The following LGSN variants were observed in gnomAD, a reference collection of about 807,000 sequenced individuals.
LGSN encodes lengsin.
A neutral mutation model predicts 19.5 loss-of-function variants in LGSN; 21 were observed. That is an observed-to-expected ratio of 1.07 (90% CI 0.76 to 1.55). The LOEUF (loss-of-function observed/expected upper bound fraction) is 1.55. LGSN is among the 40% of genes most tolerant of loss of function. The pLI is 0.00. For synonymous variants in LGSN, 257 were observed against 215.6 expected (o/e 1.19, Z -1.68); for missense variants, 673 against 608.5 (o/e 1.11, Z -1.12).
At chr6:63,476,867 C>T in the LGSN span, among the ~76,000 whole-genome samples, 2 of 152,120 alleles carry the variant, frequency 1.3e-5, no homozygotes, top group African/African-American at 4.8e-5. Context: ...ATAAAATTTG[C>T]CATTGTTTTT....
the LGSN span, among the ~76,000 whole-genome samples, chr6:63,467,034 T>C: frequency 6.6e-6 from 1 of 152,086 alleles, no homozygotes; most frequent in Non-Finnish European, 1.5e-5. Context: ...GAGGAGTAAG[T>C]TGACATAGAA....
At chr6:63,525,876 A>G in the LGSN span, among the ~76,000 whole-genome samples, 1 of 152,150 alleles carries the variant, frequency 6.6e-6, no homozygotes, top group Non-Finnish European at 1.5e-5. Context: ...GACTGATACA[A>G]ATGTTAATAT....
At chr6:63,432,168 AGAAAAG>A in the LGSN span, among the ~76,000 whole-genome samples, 312 of 100,306 alleles carry the variant, frequency 3.1e-3, 2 homozygotes, top group East Asian at 5.2e-3. Flanking sequence ...AAAGAAAGAA[AGAAAAG>A]GAAAGAAAGA....
At chr6:63,339,964 T>A in the LGSN span, among the ~76,000 whole-genome samples, 1 of 152,178 alleles carries the variant, frequency 6.6e-6, no homozygotes, top group Non-Finnish European at 1.5e-5. Context: ...ATTAATTCCC[T>A]CAGTTTTTGC....
the LGSN span, among the ~76,000 whole-genome samples, chr6:63,327,003 C>T: frequency 5.9e-5 from 9 of 152,358 alleles, no homozygotes; most frequent in Middle Eastern, 3.4e-3. Context: ...ACTGCCAGCA[C>T]GCTGTCACCT....
chr6:63,434,524 C>T, the LGSN span, among the ~76,000 whole-genome samples: 1 of 138,292 alleles, frequency 7.2e-6, no homozygotes, highest in African/African-American at 2.7e-5. Context: ...TTTGTGAGGC[C>T]AAAGCTGTCA....
chr6:63,518,852 A>C, the LGSN span, among the ~76,000 whole-genome samples: 1 of 152,258 alleles, frequency 6.6e-6, no homozygotes, highest in African/African-American at 2.4e-5. Flanking sequence ...TTCAAAGAAA[A>C]GGTAACTCTT....
the LGSN span, among the ~76,000 whole-genome samples, chr6:63,480,980 T>TACAC: frequency 3.6e-4 from 12 of 33,226 alleles, 1 homozygote; most frequent in African/African-American, 7.8e-4. Flanking sequence ...TATATATATA[T>TACAC]ATATATACAC....
the LGSN span, among the ~76,000 whole-genome samples, chr6:63,423,473 CAAAA>C: frequency 1.6e-5 from 2 of 126,728 alleles, no homozygotes; most frequent in African/African-American, 2.9e-5. Context: ...CTGTCTCTAC[CAAAA>C]AAAAAAAAAA....
At chr6:63,533,173 C>T in the LGSN span, among the ~76,000 whole-genome samples, 4 of 152,088 alleles carry the variant, frequency 2.6e-5, no homozygotes, top group South Asian at 4.1e-4. Context: ...CTTGAGGTCA[C>T]GAGTTCAATA....
the LGSN span, among the ~76,000 whole-genome samples, chr6:63,516,574 G>A: frequency 6.6e-6 from 1 of 152,098 alleles, no homozygotes; most frequent in East Asian, 1.9e-4. Context: ...TGTAAGTTGG[G>A]CATGAGGGCA....
the LGSN span, among the ~76,000 whole-genome samples, chr6:63,431,700 A>T: frequency 6.6e-6 from 1 of 152,194 alleles, no homozygotes; most frequent in African/African-American, 2.4e-5. Context: ...GTAACATCTT[A>T]CATTCCTGAT....
chr6:63,356,877 A>G, the LGSN span, among the ~76,000 whole-genome samples: 46 of 152,146 alleles, frequency 3.0e-4, no homozygotes, highest in Non-Finnish European at 8.8e-5. Flanking sequence ...CATGTACACA[A>G]CGTGCAGGTT....
At chr6:63,407,656 C>T in the LGSN span, among the ~76,000 whole-genome samples, 1 of 152,164 alleles carries the variant, frequency 6.6e-6, no homozygotes, top group South Asian at 2.1e-4. Context: ...TCCTATTCAA[C>T]ATAGTGTTGG....
At chr6:63,360,935 TG>T in the LGSN span, among the ~76,000 whole-genome samples, 1 of 152,260 alleles carries the variant, frequency 6.6e-6, no homozygotes, top group Non-Finnish European at 1.5e-5. Flanking sequence ...AGACCCTGTT[TG>T]CCTGGGTATC....
the LGSN span, among the ~76,000 whole-genome samples, chr6:63,565,700 CT>C: frequency 6.6e-6 from 1 of 152,136 alleles, no homozygotes; most frequent in African/African-American, 2.4e-5. Context: ...CCTTAAAAGG[CT>C]TGTTGTGACA....
chr6:63,376,031 A>G, the LGSN span, among the ~76,000 whole-genome samples: 6 of 152,136 alleles, frequency 3.9e-5, no homozygotes, highest in East Asian at 1.2e-3. Context: ...GTACTGAATG[A>G]TATCAAACCC....
chr6:63,349,124 G>C, the LGSN span, among the ~76,000 whole-genome samples: 4 of 152,178 alleles, frequency 2.6e-5, no homozygotes, highest in Non-Finnish European at 5.9e-5. Context: ...AGAGAAACAG[G>C]AGTCCTTTAG....
chr6:63,526,829 ATATATATT>A, the LGSN span, among the ~76,000 whole-genome samples: 7 of 139,998 alleles, frequency 5.0e-5, no homozygotes, highest in African/African-American at 1.1e-4. Context: ...ATATATATAT[ATATATATT>A]TATTTATTTA....
Sources: gnomAD v4.1 joint callset for allele counts (sites outside exome capture counted in the v4.1 genomes callset) on GRCh38, gnomAD v4.1.1 for gene constraint, MANE v1.5 for transcripts, NCBI Gene and HGNC (gene_info 2026-07-23, HGNC 2026-07-21) for gene names.